ARID4B: variants seen among roughly 807,000 people sequenced by gnomAD.
ARID4B encodes AT-rich interaction domain 4B, also known as AT-rich interactive domain-containing protein 4B.
A neutral mutation model predicts 147.5 loss-of-function variants in ARID4B; 26 were observed. The ratio of observed to expected loss-of-function variants is 0.18; its 90% CI spans 0.13 to 0.24. ARID4B has a LOEUF of 0.24. ARID4B is among the 10% of genes least tolerant of loss of function. The pLI, the probability that ARID4B is intolerant of heterozygous loss-of-function variation, is 1.00. For missense variants in ARID4B, 1,179 were observed against 1,511.5 expected (o/e 0.78, Z 3.65); for synonymous variants, 512 against 507.9 (o/e 1.01, Z -0.11).
chr1:235,214,917 C>G (rs940057599), intron 16 of ARID4B, among the ~76,000 whole-genome samples: 2 of 147,420 alleles, frequency 1.4e-5, no homozygotes, highest in East Asian at 2.0e-4. Flanking sequence ...TCTCGGCTCA[C>G]TGCAACCTCC....
In ARID4B at chr1:235,172,643, C is replaced by A; in HGVS notation, c.3786G>T (p.Lys1262Asn). ...TTTCTCTCTCTTTCTTCTTTAAACG[C>A]TTTCTCCTCCGATCAATGGAAGCTA... ...SEVASIDRRR[K>N]RLKKKERESA... The change falls in exon 23 of 24, where the codon AAG becomes AAT. Residue 1262 changes from lysine to asparagine, a missense_variant. Transcript: ENST00000264183. The A allele has an allele frequency of 1.3e-6, 2 of 1,581,506 alleles. No homozygotes were observed. Among genetic ancestry groups the A allele is most frequent in the Non-Finnish European group, 1.7e-6 (2 of 1,168,546 alleles).
chr1:235,280,879 T>A (rs1384232821), intron 2 of ARID4B, among the ~76,000 whole-genome samples: 1 of 152,212 alleles, frequency 6.6e-6, no homozygotes, highest in Non-Finnish European at 1.5e-5. Context: ...CCCGAGCACG[T>A]TTTTTGAAAG....
intron 8 of ARID4B, among the ~76,000 whole-genome samples, chr1:235,235,014 A>C (rs1668465894): frequency 6.6e-6 from 1 of 152,230 alleles, no homozygotes; most frequent in Admixed American, 6.5e-5. Flanking sequence ...TGTTCAAAGA[A>C]ACTAAGCTAC....
intron 2 of ARID4B, among the ~76,000 whole-genome samples, chr1:235,306,800 T>G (rs1673600949): frequency 6.6e-6 from 1 of 151,950 alleles, no homozygotes; most frequent in East Asian, 1.9e-4. Flanking sequence ...GGATTTCAGG[T>G]GTGCACCACC....
intron 2 of ARID4B, among the ~76,000 whole-genome samples, chr1:235,321,664 A>AT (rs1674848232): frequency 6.6e-6 from 1 of 151,598 alleles, no homozygotes; most frequent in Non-Finnish European, 1.5e-5. Context: ...GCTAATTTCT[A>AT]TTTTTTGTAT....
intron 7 of ARID4B, among the ~76,000 whole-genome samples, chr1:235,243,371 TACAGG>T (rs1167088479): frequency 1.3e-5 from 2 of 152,118 alleles, no homozygotes; most frequent in Non-Finnish European, 2.9e-5. Context: ...CAAAATATTT[TACAGG>T]AGCAAAGACA....
At chr1:235,201,721 T>C (rs954687113) in intron 17 of ARID4B, among the ~76,000 whole-genome samples, 2 of 151,896 alleles carry the variant, frequency 1.3e-5, no homozygotes, top group African/African-American at 4.8e-5. Flanking sequence ...CCATCTCTAC[T>C]AAAAATACAA....
intron 17 of ARID4B, among the ~76,000 whole-genome samples, chr1:235,196,719 G>A (rs1453349017): frequency 6.6e-6 from 1 of 151,962 alleles, no homozygotes; most frequent in African/African-American, 2.4e-5. Flanking sequence ...CAGACGTGGT[G>A]GTGGGGGCCT....
intron 6 of ARID4B, among the ~76,000 whole-genome samples, chr1:235,249,732 G>A (rs1298896960): frequency 6.6e-6 from 1 of 151,802 alleles, no homozygotes; most frequent in African/African-American, 2.4e-5. Context: ...ACGAGGTCAA[G>A]AGATCGAGGT....
chr1:235,222,786 G>A (rs184075771), intron 13 of ARID4B, among the ~76,000 whole-genome samples: 5 of 151,254 alleles, frequency 3.3e-5, no homozygotes, highest in African/African-American at 4.9e-5. Flanking sequence ...GGGTTCAAGC[G>A]ATTCTCGTGC....
chr1:235,212,970 T>C (rs183152269), intron 17 of ARID4B, among the ~76,000 whole-genome samples: 6 of 152,344 alleles, frequency 3.9e-5, no homozygotes, highest in Admixed American at 6.5e-5. Flanking sequence ...ATCTGTCTTA[T>C]AGGCTACATT....
chr1:235,174,560 C>A (rs1051866011), intron 22 of ARID4B, among the ~76,000 whole-genome samples: 1 of 150,552 alleles, frequency 6.6e-6, no homozygotes, highest in African/African-American at 2.4e-5. Flanking sequence ...CAGCACTTTG[C>A]GAGGCAGAGG....
intron 4 of ARID4B, among the ~76,000 whole-genome samples, chr1:235,256,012 A>G (rs1669962422): frequency 1.3e-5 from 2 of 151,956 alleles, no homozygotes; most frequent in Admixed American, 6.6e-5. Flanking sequence ...CGTCTCTACC[A>G]AAAGTACAAA....
chr1:235,320,925 G>A (rs570384525), intron 2 of ARID4B, among the ~76,000 whole-genome samples: 9 of 152,258 alleles, frequency 5.9e-5, no homozygotes, highest in African/African-American at 1.9e-4. Flanking sequence ...CCCACCCTCT[G>A]TCACTCTAAC....
rs116365372 is a variant in ARID4B, at chr1:235,259,025, T to C, written c.117+1617A>G. On this transcript the variant is annotated intron_variant, in intron 3 of 23. Coordinates refer to ENST00000264183, the MANE Select transcript of ARID4B (RefSeq NM_016374.6). ...TATATCTACTGACAAAATCACTGAA[T>C]GAAATACACTTTCTTTTTCCTTGTG... Among the ~76,000 whole-genome samples the C allele has an allele frequency of 9.1e-3, 1,393 of 152,342 alleles. 7 individuals are homozygous for C. Among genetic ancestry groups the C allele is most frequent in the Middle Eastern group, 0.02 (6 of 294 alleles).
At chr1:235,234,663 T>C (rs574028741) in intron 8 of ARID4B, among the ~76,000 whole-genome samples, 171 bp from the exon 9 acceptor site, 61 of 152,296 alleles carry the variant, frequency 4.0e-4, no homozygotes, top group African/African-American at 1.4e-3. Flanking sequence ...CAATTTTAAA[T>C]TGGCATCCTA....
intron 17 of ARID4B, among the ~76,000 whole-genome samples, chr1:235,205,659 A>G (rs897004216): frequency 2.0e-5 from 3 of 152,240 alleles, no homozygotes; most frequent in African/African-American, 7.2e-5. Context: ...GAATATATGA[A>G]GAACTATAAT....
intron 20 of ARID4B, among the ~76,000 whole-genome samples, chr1:235,179,525 C>CAAA (rs61143006): frequency 0.13 from 6,120 of 47,620 alleles, 1,109 homozygotes; most frequent in Non-Finnish European, 0.2. Context: ...CTCTATGTCT[C>CAAA]AAAAAAAAAA....
At chr1:235,282,006 T>C (rs1671698861) in intron 2 of ARID4B, among the ~76,000 whole-genome samples, 1 of 152,184 alleles carries the variant, frequency 6.6e-6, no homozygotes, top group African/African-American at 2.4e-5. Context: ...CCTAGGAACA[T>C]ACATCATGAA....
Sources: allele counts gnomAD v4.1 joint callset (sites outside exome capture counted in the v4.1 genomes callset), GRCh38; gene constraint gnomAD v4.1.1; transcripts MANE v1.5; gene names NCBI Gene and HGNC (gene_info 2026-07-23, HGNC 2026-07-21).